The following NAP1L4 variants were observed in gnomAD, a reference collection of about 807,000 sequenced individuals.
NAP1L4 encodes nucleosome assembly protein 1 like 4, also known as nucleosome assembly protein 1-like 4.
In NAP1L4, 15 loss-of-function variants were observed where a neutral mutation model predicts 58.2. That is an observed-to-expected ratio of 0.26 (90% CI 0.17 to 0.40). NAP1L4 has a LOEUF of 0.40. NAP1L4 is among the 10% of genes least tolerant of loss of function. The probability of loss-of-function intolerance (pLI) is 1.00; values close to 1 mark genes in which losing one functional copy is unlikely to be tolerated. For missense variants in NAP1L4, 384 were observed against 451.1 expected, an observed-to-expected ratio of 0.85 and a Z score of 1.35; for synonymous variants, 171 against 155.6, an observed-to-expected ratio of 1.10 and a Z score of -0.74.
Position 2,959,684 on chromosome 11 carries a change from T to C in NAP1L4, c.746+86A>G. The C allele has an allele frequency of 6.7e-7, 1 of 1,502,200 alleles. No individual in the cohort carries two copies. Among genetic ancestry groups the C allele is most frequent in the Non-Finnish European group, 9.1e-7 (1 of 1,094,914 alleles). 93.1% of individuals were successfully genotyped at this position (1,502,200 alleles called of 1,614,324 possible). A position where few individuals can be genotyped will look rare whatever the true frequency, so the allele number is the denominator to read the frequency against. ...TAAGCAGACTCAAGACTGTACTTTATTCCTTACTTCTATCTTACCCATCAA... is the reference window on the plus strand; with the variant it reads ...TAAGCAGACTCAAGACTGTACTTTACTCCTTACTTCTATCTTACCCATCAA... On this transcript the variant is annotated intron_variant, in intron 9 of 15. Transcript: ENST00000380542. This position sits in a 1 kb window ranked among gnomAD's most constrained non-coding sequence, Gnocchi z 4.9.
chr11:2,964,528 C>T (rs1847142488), intron 8 of NAP1L4, 152 bp downstream of exon 8: 1 of 631,458 alleles, frequency 1.6e-6, no homozygotes, highest in African/African-American at 1.8e-5. Context: ...GGTACTCAGT[C>T]TAACTCTTGG....
intron 10 of NAP1L4, among the ~76,000 whole-genome samples, chr11:2,956,579 A>G (rs1310467011): frequency 1.3e-5 from 2 of 152,196 alleles, no homozygotes; most frequent in Non-Finnish European, 2.9e-5. Flanking sequence ...CTGCTGAGAC[A>G]TGAATGTTGG....
intron 8 of NAP1L4, among the ~76,000 whole-genome samples, chr11:2,960,833 G>A (rs1482546285): frequency 6.6e-6 from 1 of 152,228 alleles, no homozygotes; most frequent in Non-Finnish European, 1.5e-5. Flanking sequence ...ATTTATAGAA[G>A]AAAAACATGG....
intron 10 of NAP1L4, among the ~76,000 whole-genome samples, chr11:2,957,690 CTTT>C (rs1846624202): frequency 6.6e-6 from 1 of 152,126 alleles, no homozygotes; most frequent in South Asian, 2.1e-4. Flanking sequence ...ATTGGTCAAC[CTTT>C]ACTAGCTCAA....
chr11:2,971,348 T>G lies in NAP1L4; in HGVS notation c.402+100A>C, dbSNP rs1463278571. On this transcript the variant is annotated intron_variant, in intron 6 of 15. Coordinates refer to ENST00000380542, the MANE Select transcript of NAP1L4 (RefSeq NM_005969.4). The surrounding 1 kb of genome is among the most constrained non-coding windows in gnomAD (Gnocchi z 4.2). ...CTAATGATGCAGCAGCACCTACTGT[T>G]AGAAGCACATAAGTTTACTAGTCAT... 3.0e-6 allele frequency: 3 copies of G among 1,006,228 alleles called. No homozygotes were observed. In the African/African-American group the frequency reaches 4.8e-5, roughly 16 times the overall value. The allele number at this position is 1,006,228 out of a possible 1,614,324, so 62.3% of individuals were successfully genotyped here.
In NAP1L4 at chr11:2,969,052, G is replaced by A. The variant is rs538590851; in HGVS notation, c.534+751C>T. Among the ~76,000 whole-genome samples the A allele has an allele frequency of 7.5e-5, 11 of 145,864 alleles. No individual in the cohort carries two copies. In the East Asian group the frequency reaches 1.7e-3, roughly 22 times the overall value. On this transcript the variant is annotated intron_variant, in intron 7 of 15. Transcript: ENST00000380542. ...ACCCACCAGGATGGAGTGCAGCACC[G>A]TGATCACAGCTCACCACAGCCTCAA...
rs1010744949 is a variant in NAP1L4 at position 2,975,994 on chromosome 11, T to C, written c.173+30A>G. 2.6e-6 allele frequency: 4 copies of C among 1,553,560 alleles called. No homozygotes were observed. In the African/African-American group the frequency reaches 5.5e-5, roughly 22 times the overall value. On this transcript the variant is annotated intron_variant, in intron 4 of 15. Coordinates refer to ENST00000380542, the MANE Select transcript of NAP1L4 (RefSeq NM_005969.4). ...TTATTTTCCTTTTGTTTCTCCAAAT[T>C]GCATGAGACCCTATTCACAGCACAC...
rs754822995 is a variant in NAP1L4, at chr11:2,954,520, C to T, written c.1035+7G>A. 3 of 1,614,048 alleles carry T rather than the reference C, an allele frequency of 1.9e-6. No homozygotes were observed. The highest frequency in any genetic ancestry group is 2.2e-5 in the East Asian group (1 of 44,890). On this transcript the variant is annotated splice_region_variant and intron_variant, in intron 12 of 15. Transcript: ENST00000380542. The surrounding 1 kb of genome is among the most constrained non-coding windows in gnomAD (Gnocchi z 4.8). ...AGGTGGAAGCCCCCCTTCCCCGAGCCTCATACATTGTCATCATCTTCTATG... is the reference window on the plus strand; with the variant it reads ...AGGTGGAAGCCCCCCTTCCCCGAGCTTCATACATTGTCATCATCTTCTATG...
Position 2,958,506 on chromosome 11 carries a change from A to C in NAP1L4, c.785T>G (p.Val262Gly). ...CTTCTGCTTTTTCTTGATGGTTTTGACAGTAACATTCTTTCCTTTCTTCCA... is the reference window on the plus strand; with the variant it reads ...CTTCTGCTTTTTCTTGATGGTTTTGCCAGTAACATTCTTTCCTTTCTTCCA... Reference protein sequence around the residue: ...IDWKKGKNVTVKTIKKKQKHK... With the variant: ...IDWKKGKNVTGKTIKKKQKHK... Residue 262 changes from valine (V) to glycine (G), a missense_variant, in exon 10 of 16, where the codon GTC (valine) becomes GGC (glycine). Around this residue, in one of 3 missense-constraint regions of NAP1L4, gnomAD observed 296 missense variants for 360.8 expected, o/e 0.82. Coordinates refer to ENST00000380542, the MANE Select transcript of NAP1L4 (RefSeq NM_005969.4). The C allele has an allele frequency of 6.2e-7, 1 of 1,614,098 alleles. No individual in the cohort carries two copies. Among genetic ancestry groups the C allele is most frequent in the South Asian group, 1.1e-5 (1 of 91,070 alleles).
At chr11:2,970,387 G>C (rs1177247825) in intron 6 of NAP1L4, among the ~76,000 whole-genome samples, 2 of 151,814 alleles carry the variant, frequency 1.3e-5, no homozygotes, top group Non-Finnish European at 2.9e-5. Context: ...CTAATAATCT[G>C]ACCTCTTGTT....
At chr11:2,960,832 A>T (rs1181843350) in intron 8 of NAP1L4, among the ~76,000 whole-genome samples, 1 of 152,228 alleles carries the variant, frequency 6.6e-6, no homozygotes, top group Non-Finnish European at 1.5e-5. Flanking sequence ...TATTTATAGA[A>T]GAAAAACATG....
At chr11:2,974,578 T>C (rs1847839346) in intron 4 of NAP1L4, among the ~76,000 whole-genome samples, 1 of 152,110 alleles carries the variant, frequency 6.6e-6, no homozygotes, top group Non-Finnish European at 1.5e-5. Flanking sequence ...GAGAAGCTTC[T>C]AAATGGGCAA....
rs138663050 is a variant in NAP1L4 at position 2,964,673 on chromosome 11, T to TA, written c.606+6dup. ...GATGCCAACCAGAAGGTCAAGTCAG[T>TA]ACTCACCATAGGCTGTCCAGGGTCA... On this transcript the variant is annotated splice_region_variant and intron_variant, in intron 8 of 15. Coordinates refer to ENST00000380542, the MANE Select transcript of NAP1L4 (RefSeq NM_005969.4). The TA allele has an allele frequency of 0.011, 18,255 of 1,612,128 alleles. 148 individuals carry two copies. The highest frequency in any genetic ancestry group is 0.015 in the Middle Eastern group (93 of 6,048).
At chr11:2,960,130 A>G (rs766192777) in intron 8 of NAP1L4, 2 of 486,938 alleles carry the variant, frequency 4.1e-6, no homozygotes, top group Non-Finnish European at 7.3e-6. Flanking sequence ...AGTAAGGGGC[A>G]TGTTCCCCCT....
chr11:2,977,766 T>C (rs1848052420), intron 3 of NAP1L4, among the ~76,000 whole-genome samples: 1 of 151,998 alleles, frequency 6.6e-6, no homozygotes, highest in Admixed American at 6.6e-5. Flanking sequence ...CAGATATAGT[T>C]TTTTTTAATG....
intron 1 of NAP1L4, chr11:2,989,873 G>C (rs548972296): frequency 7.0e-4 from 106 of 152,278 alleles, no homozygotes; most frequent in African/African-American, 2.5e-3. Context: ...TGGGCAAAAA[G>C]ATCAAAATTC....
Position 2,951,789 on chromosome 11 carries a change from T to TCCTTCTTCA in NAP1L4, c.1047_1055dup (p.Gly352_Glu354dup), listed in dbSNP as rs766197446. The TCCTTCTTCA allele has an allele frequency of 6.2e-7, 1 of 1,614,162 alleles. No individual in the cohort carries two copies. Among genetic ancestry groups the TCCTTCTTCA allele is most frequent in the South Asian group, 1.1e-5 (1 of 91,076 alleles). Reference sequence around the variant, plus strand: ...TAAACCTGTCTCTTACCTCCTCTTCTCCTTCTTCACCTTCTTCAAACTGGA... The same window carrying TCCTTCTTCA: ...TAAACCTGTCTCTTACCTCCTCTTCTCCTTCTTCACCTTCTTCACCTTCTTCAAACTGGA... On this transcript the variant is annotated inframe_insertion, in exon 13 of 16. Coordinates refer to ENST00000380542, the MANE Select transcript of NAP1L4 (RefSeq NM_005969.4). The surrounding 1 kb of genome is among the most constrained non-coding windows in gnomAD (Gnocchi z 4.0).
chr11:2,981,418 C>CCAAAAAAAA (rs1564990154), intron 1 of NAP1L4, among the ~76,000 whole-genome samples: 3 of 41,276 alleles, frequency 7.3e-5, no homozygotes, highest in African/African-American at 6.4e-5. Flanking sequence ...TACCCTGTCT[C>CCAAAAAAAA]AAAAAAAAAA....
Position 2,976,066 on chromosome 11 carries a change from C to A in NAP1L4, c.131G>T (p.Arg44Leu). Residue 44 changes from arginine to leucine, a missense_variant, in exon 4 of 16, where the codon CGA (arginine) becomes CTA (leucine). Arg to Leu is a moderately radical substitution (Grantham distance 102). Transcript: ENST00000380542. ...AGGGGTGTGAGGGACATTGTCAAGT[C>A]GCTCCTGTAAAGCTGCCAGAACTCG... is the stretch of plus-strand genomic sequence containing the variant. ...NPRVLAALQE[R>L]LDNVPHTPSS... 1.9e-6 allele frequency: 3 copies of A among 1,614,002 alleles called. No individual in the cohort carries two copies. Among genetic ancestry groups the A allele is most frequent in the Non-Finnish European group, 2.5e-6 (3 of 1,179,990 alleles).
Sources: allele counts gnomAD v4.1 joint callset (sites outside exome capture counted in the v4.1 genomes callset), GRCh38; gene constraint gnomAD v4.1.1; regional missense constraint gnomAD v4.1.1; non-coding constraint Gnocchi (gnomAD v3.1); transcripts MANE v1.5; gene names NCBI Gene and HGNC (gene_info 2026-07-23, HGNC 2026-07-21).